Variants in CCDC102B observed in about 807,000 individuals in gnomAD.
The protein encoded by CCDC102B is coiled-coil domain-containing protein 102B.
Under a neutral mutation model 57.4 loss-of-function variants are expected in CCDC102B, and 75 were observed. That is an observed-to-expected ratio of 1.31 (90% CI 1.08 to 1.58). The LOEUF (loss-of-function observed/expected upper bound fraction) is 1.58. Ranked by LOEUF, CCDC102B falls within the 40% of genes most tolerant of loss-of-function variation. The pLI is 0.00. For missense variants in CCDC102B, 636 were observed against 582.6 expected (o/e 1.09, Z -0.94); for synonymous variants, 206 against 201.9 (o/e 1.02, Z -0.17).
chr18:69,024,437 C>CT (rs1432367910), intron 7 of CCDC102B, among the ~76,000 whole-genome samples: 1 of 152,012 alleles, frequency 6.6e-6, no homozygotes, highest in Non-Finnish European at 1.5e-5. Context: ...TAAAAAGATA[C>CT]ATATGCTAGA....
intron 6 of CCDC102B, among the ~76,000 whole-genome samples, chr18:68,948,485 G>C (rs937550489): frequency 7.2e-6 from 1 of 139,042 alleles, no homozygotes; most frequent in African/African-American, 3.0e-5. Flanking sequence ...AGCCAAAATT[G>C]AAGTGTATTT....
intron 7 of CCDC102B, among the ~76,000 whole-genome samples, chr18:69,038,978 G>C (rs1416657314): frequency 6.6e-6 from 1 of 151,784 alleles, no homozygotes; most frequent in Non-Finnish European, 1.5e-5. Context: ...TTCATCAGTT[G>C]CTCTTGTCAT....
chr18:68,869,490 T>C (rs891649342), intron 4 of CCDC102B, among the ~76,000 whole-genome samples: 1 of 152,154 alleles, frequency 6.6e-6, no homozygotes, highest in African/African-American at 2.4e-5. Context: ...GTGAGAAGGG[T>C]AAGTGCAACA....
At chr18:68,884,139 T>C (rs1445725368) in intron 5 of CCDC102B, among the ~76,000 whole-genome samples, 1 of 152,130 alleles carries the variant, frequency 6.6e-6, no homozygotes, top group African/African-American at 2.4e-5. Context: ...GGAACAATCA[T>C]GTGACCCAGC....
chr18:69,016,896 T>C (rs12605616), intron 7 of CCDC102B, among the ~76,000 whole-genome samples: 15,977 of 152,120 alleles, frequency 0.11, 1,337 homozygotes, highest in East Asian at 0.39. Context: ...ATTTACAGTA[T>C]ATATTAGCAA....
intron 1 of CCDC102B, among the ~76,000 whole-genome samples, chr18:68,804,553 G>A (rs539092505): frequency 2.0e-4 from 31 of 152,254 alleles, no homozygotes; most frequent in Admixed American, 1.5e-3. Flanking sequence ...GACAGAATGT[G>A]GGGCAGCTAC....
At position 69,051,234 on chromosome 18, in the gene CCDC102B, TTTA is replaced by T. The variant is rs200647026; in HGVS notation, c.1435-2793_1435-2791del. Among the ~76,000 whole-genome samples the T allele has an allele frequency of 3.3e-3, 501 of 150,310 alleles. 3 individuals carry two copies. The highest frequency in any genetic ancestry group is 0.012 in the African/African-American group (488 of 39,756). ...ATACAACAAAACTTATAAAATACAT[TTTA>T]TTTTTTTGGAAAAATAACTTTAAAG... On this transcript the variant is annotated intron_variant, in intron 7 of 7. Transcript: ENST00000360242.
chr18:68,949,741 G>A (rs563208900), intron 6 of CCDC102B, among the ~76,000 whole-genome samples: 14 of 151,770 alleles, frequency 9.2e-5, no homozygotes, highest in Admixed American at 5.9e-4. Context: ...TTCGTCTTTC[G>A]CTACTCTGTA....
intron 6 of CCDC102B, among the ~76,000 whole-genome samples, chr18:68,898,250 A>C (rs2040311910): frequency 6.6e-6 from 1 of 152,068 alleles, no homozygotes; most frequent in Admixed American, 6.6e-5. Flanking sequence ...GAATTTGATA[A>C]GTTCATAGTT....
intron 4 of CCDC102B, among the ~76,000 whole-genome samples, chr18:68,870,401 T>G (rs2144916442): frequency 6.6e-6 from 1 of 152,164 alleles, no homozygotes; most frequent in East Asian, 1.9e-4. Context: ...ACCCTTGATC[T>G]CCCACGCTCC....
chr18:68,830,783 A>G (rs2037113339), intron 1 of CCDC102B, among the ~76,000 whole-genome samples: 1 of 151,912 alleles, frequency 6.6e-6, no homozygotes, highest in Non-Finnish European at 1.5e-5. Flanking sequence ...CCTGCTTGGC[A>G]TCCCAAGTAC....
At chr18:68,806,157 T>C (rs1300682401) in intron 1 of CCDC102B, among the ~76,000 whole-genome samples, 1 of 152,170 alleles carries the variant, frequency 6.6e-6, no homozygotes, top group East Asian at 1.9e-4. Flanking sequence ...TATTTTTAGG[T>C]TTTTATTTAC....
chr18:68,812,646 A>G (rs1352148965), intron 1 of CCDC102B, among the ~76,000 whole-genome samples: 1 of 152,184 alleles, frequency 6.6e-6, no homozygotes, highest in Non-Finnish European at 1.5e-5. Context: ...AGAGGAGGCA[A>G]AATACAACGA....
At chr18:69,045,794 TCTC>T (rs2052548037) in intron 7 of CCDC102B, among the ~76,000 whole-genome samples, 1 of 152,126 alleles carries the variant, frequency 6.6e-6, no homozygotes, top group South Asian at 2.1e-4. Context: ...TGTCTGTTGT[TCTC>T]CTCTTTGTGT....
intron 6 of CCDC102B, among the ~76,000 whole-genome samples, chr18:68,907,175 G>A (rs1236949207): frequency 3.3e-5 from 5 of 152,112 alleles, no homozygotes; most frequent in Non-Finnish European, 7.4e-5. Flanking sequence ...TGGTGTGAAT[G>A]TTTATCTTTA....
intron 6 of CCDC102B, among the ~76,000 whole-genome samples, chr18:68,901,403 A>T (rs547921075): frequency 1.3e-5 from 2 of 152,320 alleles, no homozygotes; most frequent in African/African-American, 4.8e-5. Flanking sequence ...GTCTAGAGCC[A>T]GATTTGGTTC....
At chr18:68,966,048 C>T (rs1292336496) in intron 6 of CCDC102B, among the ~76,000 whole-genome samples, 2 of 152,104 alleles carry the variant, frequency 1.3e-5, no homozygotes, top group Non-Finnish European at 2.9e-5. Context: ...GGTTTATTGT[C>T]ATTATCACCA....
chr18:68,739,507 G>A (rs1038508680), intron 2 of CCDC102B, among the ~76,000 whole-genome samples: 33 of 152,156 alleles, frequency 2.2e-4, no homozygotes, highest in African/African-American at 7.7e-4. Context: ...CAACTTACTT[G>A]TGACCTCTGA....
At chr18:68,992,103 T>C (rs191711341) in intron 6 of CCDC102B, among the ~76,000 whole-genome samples, 97 of 152,312 alleles carry the variant, frequency 6.4e-4, no homozygotes, top group African/African-American at 2.3e-3. Flanking sequence ...TCTTTTCCTT[T>C]TCATTTGGTT....
Sources: allele counts gnomAD v4.1 joint callset (sites outside exome capture counted in the v4.1 genomes callset), GRCh38; gene constraint gnomAD v4.1.1; transcripts MANE v1.5; gene names NCBI Gene and HGNC (gene_info 2026-07-23, HGNC 2026-07-21).